The following EFCAB11 variants were observed in gnomAD, a reference collection of about 807,000 sequenced individuals.
EFCAB11 encodes EF-hand calcium-binding domain-containing protein 11.
A neutral mutation model predicts 23.0 loss-of-function variants in EFCAB11; 14 were observed. The observed-to-expected ratio is 0.61, with a 90% confidence interval of 0.40 to 0.95. The LOEUF is 0.95. Among genes scored for constraint, EFCAB11 ranks in the 40% least tolerant of loss-of-function variants. The pLI is 0.00. For synonymous variants in EFCAB11, 65 were observed against 66.6 expected, an observed-to-expected ratio of 0.98 and a Z score of 0.11; for missense variants, 198 against 195.8, an observed-to-expected ratio of 1.01 and a Z score of -0.07.
chr14:89,795,751 A>G lies in EFCAB11; in HGVS notation c.*1492T>C, dbSNP rs1351234870. The G allele has an allele frequency of 6.6e-6, 1 of 152,200 alleles. No homozygotes were observed. Among genetic ancestry groups the G allele is most frequent in the East Asian group, 1.9e-4 (1 of 5,200 alleles). 9.4% of individuals were successfully genotyped at this position (152,200 alleles called of 1,614,324 possible). A position where few individuals can be genotyped will look rare whatever the true frequency, so the allele number is the denominator to read the frequency against. On this transcript the variant is annotated 3_prime_UTR_variant, in exon 6 of 6. Coordinates refer to ENST00000316738, the MANE Select transcript of EFCAB11 (RefSeq NM_145231.4). The stretch of plus-strand genomic sequence containing the variant: ...TGACGCTTAATGTTTCCATATTACA[A>G]ATTTACAATTTTACTTGACCTTTAA...
rs960922508 is a variant in EFCAB11 at position 89,944,601 on chromosome 14, G to T, written c.217+5496C>A. Among the ~76,000 whole-genome samples, 3 of 152,150 alleles carry T rather than the reference G, an allele frequency of 2.0e-5. 1 individual carries two copies. The highest frequency in any genetic ancestry group is 1.3e-4 in the Admixed American group (2 of 15,272). On this transcript the variant is annotated intron_variant, in intron 3 of 5. Coordinates refer to ENST00000316738, the MANE Select transcript of EFCAB11 (RefSeq NM_145231.4). ...CAGAAAACAAAACTCTCTGTAGATT[G>T]GAATATTCACAAAAAACCCTAATGA...
intron 3 of EFCAB11, among the ~76,000 whole-genome samples, chr14:89,943,585 T>C (rs962147974): frequency 6.6e-6 from 1 of 152,196 alleles, no homozygotes; most frequent in African/African-American, 2.4e-5. Context: ...AGAGAGATAA[T>C]ATATGTGGAA....
intron 5 of EFCAB11, among the ~76,000 whole-genome samples, chr14:89,834,818 C>G (rs1235094274): frequency 6.6e-6 from 1 of 152,092 alleles, no homozygotes; most frequent in Non-Finnish European, 1.5e-5. Flanking sequence ...GAGCTTCAGA[C>G]AGAGAAGATA....
chr14:89,900,557 A>G (rs532623885), intron 5 of EFCAB11, among the ~76,000 whole-genome samples: 5 of 152,348 alleles, frequency 3.3e-5, no homozygotes, highest in Admixed American at 3.3e-4. Flanking sequence ...TTGCCCTGTC[A>G]CATTCAGGCT....
intron 5 of EFCAB11, among the ~76,000 whole-genome samples, chr14:89,918,212 A>G (rs2139780598): frequency 6.6e-6 from 1 of 152,268 alleles, no homozygotes; most frequent in East Asian, 1.9e-4. Flanking sequence ...AGGAATTAGG[A>G]AAAAAAGAAG....
chr14:89,845,931 C>T (rs1428379109), intron 5 of EFCAB11, among the ~76,000 whole-genome samples: 1 of 152,168 alleles, frequency 6.6e-6, no homozygotes, highest in African/African-American at 2.4e-5. Context: ...TCCCCAGCAT[C>T]GACAGACAGT....
intron 5 of EFCAB11, among the ~76,000 whole-genome samples, chr14:89,898,533 T>A (rs1335079630): frequency 1.3e-5 from 2 of 152,028 alleles, no homozygotes; most frequent in East Asian, 3.9e-4. Context: ...TGTGGCTAAT[T>A]TTTGTATTTT....
intron 5 of EFCAB11, among the ~76,000 whole-genome samples, chr14:89,905,689 G>C (rs1485300629): frequency 6.6e-6 from 1 of 152,122 alleles, no homozygotes; most frequent in African/African-American, 2.4e-5. Flanking sequence ...ACAGGAAAAA[G>C]AGCCTAAAAG....
intron 5 of EFCAB11, among the ~76,000 whole-genome samples, chr14:89,885,504 C>T (rs1683006646): frequency 6.6e-6 from 1 of 151,914 alleles, no homozygotes; most frequent in Non-Finnish European, 1.5e-5. Flanking sequence ...TGGTGAAACC[C>T]CATCTCTACT....
At chr14:89,842,203 G>A (rs1887290861) in intron 5 of EFCAB11, among the ~76,000 whole-genome samples, 1 of 152,170 alleles carries the variant, frequency 6.6e-6, no homozygotes, top group African/African-American at 2.4e-5. Flanking sequence ...TCCTAGTCCA[G>A]GTTCCATCAG....
intron 5 of EFCAB11, among the ~76,000 whole-genome samples, chr14:89,822,934 A>G (rs917825394): frequency 1.3e-5 from 2 of 152,204 alleles, no homozygotes; most frequent in African/African-American, 4.8e-5. Context: ...ATACATCGCA[A>G]TACTCTTTAA....
chr14:89,875,255 G>C (rs1325173573), intron 5 of EFCAB11, among the ~76,000 whole-genome samples: 1 of 152,152 alleles, frequency 6.6e-6, no homozygotes, highest in Non-Finnish European at 1.5e-5. Flanking sequence ...CTTTTATAAA[G>C]ACCATCAGAT....
intron 5 of EFCAB11, among the ~76,000 whole-genome samples, chr14:89,907,914 G>T (rs939460916): frequency 3.3e-5 from 5 of 152,260 alleles, no homozygotes; most frequent in African/African-American, 9.6e-5. Context: ...CCACCTCATG[G>T]GGTCGTTGTG....
intron 5 of EFCAB11, among the ~76,000 whole-genome samples, chr14:89,918,848 G>A (rs920622676): frequency 5.3e-5 from 8 of 151,854 alleles, no homozygotes; most frequent in African/African-American, 1.7e-4. Flanking sequence ...TGGCAGGCAT[G>A]TCAACTACGT....
chr14:89,900,166 G>A (rs773942074), intron 5 of EFCAB11, among the ~76,000 whole-genome samples: 1 of 152,072 alleles, frequency 6.6e-6, no homozygotes, highest in Admixed American at 6.6e-5. Context: ...AAAGACACAT[G>A]GATCAATGTG....
chr14:89,887,402 T>C (rs1888825184), intron 5 of EFCAB11, among the ~76,000 whole-genome samples: 1 of 152,214 alleles, frequency 6.6e-6, no homozygotes, highest in African/African-American at 2.4e-5. Flanking sequence ...ACATAAGCTT[T>C]CTAAGCCTAT....
chr14:89,951,202 C>T (rs752013718), intron 2 of EFCAB11, among the ~76,000 whole-genome samples: 61 of 152,156 alleles, frequency 4.0e-4, no homozygotes, highest in Non-Finnish European at 6.9e-4. Flanking sequence ...GTGTTCCAAT[C>T]GAAACTCACT....
At chr14:89,815,157 G>A (rs530195485) in intron 5 of EFCAB11, among the ~76,000 whole-genome samples, 2 of 152,280 alleles carry the variant, frequency 1.3e-5, no homozygotes, top group African/African-American at 4.8e-5. Context: ...CGGCAATTAT[G>A]ACATCACAAT....
chr14:89,842,874 A>G (rs892124373), intron 5 of EFCAB11, among the ~76,000 whole-genome samples: 2 of 152,122 alleles, frequency 1.3e-5, no homozygotes, highest in African/African-American at 4.8e-5. Flanking sequence ...CCATATACCC[A>G]GAGGAATCAC....
Sources: allele counts gnomAD v4.1 joint callset (sites outside exome capture counted in the v4.1 genomes callset), GRCh38; gene constraint gnomAD v4.1.1; transcripts MANE v1.5; gene names NCBI Gene and HGNC (gene_info 2026-07-23, HGNC 2026-07-21).